The following ANKFN1 variants were observed in gnomAD, a reference collection of about 807,000 sequenced individuals.
ANKFN1 encodes the protein ankyrin repeat and fibronectin type-III domain-containing protein 1.
A neutral mutation model predicts 108.7 loss-of-function variants in ANKFN1; 74 were observed. The ratio of observed to expected loss-of-function variants is 0.68; its 90% CI spans 0.56 to 0.83. The LOEUF (loss-of-function observed/expected upper bound fraction) is 0.83. Among genes scored for constraint, ANKFN1 ranks in the 40% least tolerant of loss-of-function variants. The pLI is 0.00. For synonymous variants in ANKFN1, 547 were observed against 516.2 expected (o/e 1.06, Z -0.81); for missense variants, 1,505 against 1,382.3 (o/e 1.09, Z -1.41).
chr17:56,305,056 G>C (rs918864595), intron 3 of ANKFN1, among the ~76,000 whole-genome samples: 1 of 152,082 alleles, frequency 6.6e-6, no homozygotes, highest in Non-Finnish European at 1.5e-5. Context: ...AGTTCTGCAG[G>C]GCTTGGGAGG....
At chr17:56,360,494 A>G (rs1480892064) in intron 6 of ANKFN1, among the ~76,000 whole-genome samples, 1 of 152,018 alleles carries the variant, frequency 6.6e-6, no homozygotes, top group Non-Finnish European at 1.5e-5. Context: ...CAATGTTTTT[A>G]TTTGCTTATT....
chr17:56,409,769 GA>G (rs2048033321), intron 8 of ANKFN1, among the ~76,000 whole-genome samples: 1 of 152,014 alleles, frequency 6.6e-6, no homozygotes, highest in African/African-American at 2.4e-5. Context: ...TTTAATAAGG[GA>G]AAAACAGGTA....
intron 1 of ANKFN1, among the ~76,000 whole-genome samples, chr17:56,203,813 G>A (rs1440648697): frequency 2.6e-5 from 4 of 152,102 alleles, no homozygotes; most frequent in Non-Finnish European, 5.9e-5. Flanking sequence ...ATAAAAGTTG[G>A]ATATTGGTTT....
At chr17:56,170,807 T>TATATATATATATATACACACAC (rs1361307404) in intron 1 of ANKFN1, among the ~76,000 whole-genome samples, 1 of 61,460 alleles carries the variant, frequency 1.6e-5, no homozygotes, top group African/African-American at 7.0e-5. Context: ...TATATATATA[T>TATATATATATATATACACACAC]ACACACACAC....
intron 18 of ANKFN1, among the ~76,000 whole-genome samples, chr17:56,487,801 C>G (rs1368934949): frequency 6.6e-6 from 1 of 152,154 alleles, no homozygotes; most frequent in Non-Finnish European, 1.5e-5. Context: ...AATACTTGAG[C>G]TGTATCTTGA....
At chr17:56,294,506 G>A (rs1015428856) in intron 3 of ANKFN1, among the ~76,000 whole-genome samples, 1 of 152,224 alleles carries the variant, frequency 6.6e-6, no homozygotes, top group Non-Finnish European at 1.5e-5. Context: ...GCAAGCCTTA[G>A]AAATTAGACT....
chr17:56,230,502 A>G (rs1916652500), intron 3 of ANKFN1, among the ~76,000 whole-genome samples: 1 of 152,056 alleles, frequency 6.6e-6, no homozygotes, highest in African/African-American at 2.4e-5. Context: ...TCCCTGTTTT[A>G]GTGGGAGTCC....
intron 8 of ANKFN1, among the ~76,000 whole-genome samples, chr17:56,407,046 G>GTGGATAATT (rs2047943784): frequency 6.6e-6 from 1 of 152,176 alleles, no homozygotes; most frequent in Non-Finnish European, 1.5e-5. Flanking sequence ...GGAAGGAAAT[G>GTGGATAATT]TGGATAATTC....
intron 8 of ANKFN1, among the ~76,000 whole-genome samples, chr17:56,398,132 G>GT (rs1167785142): frequency 3.3e-5 from 5 of 152,096 alleles, no homozygotes; most frequent in South Asian, 2.1e-4. Flanking sequence ...CTTAATATCT[G>GT]TTTTTTTCTA....
chr17:56,094,906 A>G (rs1198233167), intron 4 of ANKFN1, among the ~76,000 whole-genome samples: 1 of 151,046 alleles, frequency 6.6e-6, no homozygotes, highest in Non-Finnish European at 1.5e-5. Flanking sequence ...TGAAATTAGC[A>G]CTAGTGAATG....
chr17:56,125,984 G>A (rs1906903185), intron 4 of ANKFN1, among the ~76,000 whole-genome samples: 1 of 152,136 alleles, frequency 6.6e-6, no homozygotes, highest in Non-Finnish European at 1.5e-5. Context: ...AAGAAATACC[G>A]AGTCAAATTT....
chr17:56,511,464 C>G lies in ANKFN1; in HGVS notation c.*195C>G. The G allele has an allele frequency of 1.6e-6, 1 of 614,056 alleles. No homozygotes were observed. The highest frequency in any genetic ancestry group is 2.2e-5 in the South Asian group (1 of 45,280). 38.0% of individuals were successfully genotyped at this position (614,056 alleles called of 1,614,324 possible). On this transcript the variant is annotated 3_prime_UTR_variant, in exon 21 of 21. Transcript: ENST00000682825. Reference sequence around the variant, plus strand: ...GGAGGCCAGAGTTGCCAGTGCCATTCCCACTTCAGCCTAGAAAGGGCATGG... The same window carrying G: ...GGAGGCCAGAGTTGCCAGTGCCATTGCCACTTCAGCCTAGAAAGGGCATGG...
At chr17:56,322,748 G>A (rs1303850763) in intron 3 of ANKFN1, among the ~76,000 whole-genome samples, 1 of 152,116 alleles carries the variant, frequency 6.6e-6, no homozygotes, top group African/African-American at 2.4e-5. Context: ...TTTTCTATGT[G>A]TTACAGAAAG....
intron 6 of ANKFN1, among the ~76,000 whole-genome samples, chr17:56,367,732 C>T (rs1223408877): frequency 6.6e-6 from 1 of 151,964 alleles, no homozygotes; most frequent in East Asian, 1.9e-4. Flanking sequence ...AGTATGGCCT[C>T]CAGGGAAAAG....
At chr17:56,370,644 T>A (rs1052452412) in intron 6 of ANKFN1, among the ~76,000 whole-genome samples, 5 of 152,092 alleles carry the variant, frequency 3.3e-5, no homozygotes, top group African/African-American at 1.2e-4. Flanking sequence ...AGTTACTGGG[T>A]CAATTAATCA....
rs1371568369 is a variant in ANKFN1 at position 56,059,348 on chromosome 17, CA to C, written c.288+13024del. ...GGATATTAGACCTTTGTCAGATGGG[CA>C]GCTTGCAAAAATGTTCTCCCATTCT... On this transcript the variant is annotated intron_variant, in intron 4 of 12. Coordinates refer to the ANKFN1 transcript ENST00000635860. Among the ~76,000 whole-genome samples the C allele has an allele frequency of 2.0e-5, 3 of 152,086 alleles. No homozygotes were observed. The East Asian group carries it at 5.8e-4, about 29-fold the overall frequency.
upstream of ANKFN1, among the ~76,000 whole-genome samples, chr17:56,150,159 A>T (rs1312520288): frequency 6.6e-6 from 1 of 152,216 alleles, no homozygotes; most frequent in Non-Finnish European, 1.5e-5. Flanking sequence ...AAAGTTCCAT[A>T]TAGGGCAAAG....
intron 6 of ANKFN1, among the ~76,000 whole-genome samples, chr17:56,356,500 A>T (rs897962949): frequency 6.6e-6 from 1 of 152,204 alleles, no homozygotes; most frequent in East Asian, 1.9e-4. Context: ...GACTAGGTAC[A>T]GAAGCAGATC....
intron 4 of ANKFN1, among the ~76,000 whole-genome samples, chr17:56,117,260 G>T (rs1906338310): frequency 6.6e-6 from 1 of 152,128 alleles, no homozygotes; most frequent in Non-Finnish European, 1.5e-5. Context: ...AATTTTCTAT[G>T]AATACATGTA....
Sources: allele counts gnomAD v4.1 joint callset (sites outside exome capture counted in the v4.1 genomes callset), GRCh38; gene constraint gnomAD v4.1.1; transcripts MANE v1.5; gene names NCBI Gene and HGNC (gene_info 2026-07-23, HGNC 2026-07-21).